The following IGF2R variants were observed in gnomAD, a reference collection of about 807,000 sequenced individuals.
IGF2R encodes the protein insulin like growth factor 2 receptor, also known as cation-independent mannose-6-phosphate receptor.
In IGF2R, 91 loss-of-function variants were observed where a neutral mutation model predicts 270.6. That is an observed-to-expected ratio of 0.34 (90% confidence interval 0.28 to 0.40). IGF2R has a LOEUF of 0.40. IGF2R is among the 10% of genes least tolerant of loss of function. The pLI is 1.00. For synonymous variants in IGF2R, 1,316 were observed against 1,258.9 expected (o/e 1.05, Z -0.96); for missense variants, 2,805 against 3,188.3 (o/e 0.88, Z 2.90).
In IGF2R at chr6:160,044,582, C is replaced by T. The variant is rs761815480; in HGVS notation, c.1690C>T (p.Leu564Phe). The T allele has an allele frequency of 6.2e-7, 1 of 1,607,728 alleles. No individual in the cohort carries two copies. Among genetic ancestry groups the T allele is most frequent in the Non-Finnish European group, 8.5e-7 (1 of 1,174,814 alleles). The change falls in exon 13 of 48, where the codon CTC (leucine) becomes TTC (phenylalanine). Residue 564 changes from leucine (L) to phenylalanine (F), a missense_variant. Physicochemically the swap from Leu to Phe is conservative, Grantham distance 22 (BLOSUM62 0). This residue lies in a region of IGF2R where 954 missense variants were observed against 981.1 expected (regional missense o/e 0.97). Coordinates refer to ENST00000356956, the MANE Select transcript of IGF2R (RefSeq NM_000876.4). ...SPMKEKGNIQ[L>F]SYSDGDDCGH... ...CATGAAAGAGAAAGGAAACATTCAACTCTCTTATTCAGATGGTGATGATTG... is the reference window on the plus strand; with the variant it reads ...CATGAAAGAGAAAGGAAACATTCAATTCTCTTATTCAGATGGTGATGATTG...
chr6:160,045,599 T>TTTG (rs563065946), intron 13 of IGF2R, 146 bp from the exon 14 acceptor site: 1 of 874,414 alleles, frequency 1.1e-6, no homozygotes, highest in South Asian at 1.4e-5. Context: ...TGCTACAGTA[T>TTTG]TTGTAGGGCT....
intron 1 of IGF2R, among the ~76,000 whole-genome samples, chr6:159,990,838 C>T (rs949523123): frequency 6.6e-6 from 1 of 152,150 alleles, no homozygotes; most frequent in South Asian, 2.1e-4. Flanking sequence ...TTATGTTGGC[C>T]AGGCTGGTCT....
Position 160,105,116 on chromosome 6 carries a change from G to A in IGF2R, c.*32G>A, listed in dbSNP as rs1056388870. On this transcript the variant is annotated 3_prime_UTR_variant, in exon 48 of 48. Transcript: ENST00000356956. The stretch of plus-strand genomic sequence containing the variant: ...AGTGCCTGCAGGGGAGCACGGAGCC[G>A]CGGGACAGCCAAGCACCTCCAACCA... 15 of 1,482,326 alleles carry A rather than the reference G, an allele frequency of 1.0e-5. No homozygotes were observed. The highest frequency in any genetic ancestry group is 2.4e-5 in the East Asian group (1 of 41,254). The allele number at this position is 1,482,326 out of a possible 1,614,324, so 91.8% of individuals were successfully genotyped here.
At position 160,048,465 on chromosome 6, in the gene IGF2R, C is replaced by T. The variant is rs760490529; in HGVS notation, c.2436C>T (p.Asn812=). 1.5e-5 allele frequency: 24 copies of T among 1,614,224 alleles called. No individual in the cohort carries two copies. Among genetic ancestry groups the T allele is most frequent in the Admixed American group, 5.0e-5 (3 of 60,032 alleles). The change falls in exon 18 of 48, where the codon AAC becomes AAT. Residue 812 remains asparagine (N), a synonymous_variant. Transcript: ENST00000356956. The part of the protein sequence containing the change: ...EHVTWRKYYI[N]VCRPLNPVPG... Reference sequence around the variant, plus strand: ...TCACGTGGAGGAAATACTACATTAACGTGTGTCGGCCTCTGAATCCAGTGC... The same window carrying T: ...TCACGTGGAGGAAATACTACATTAATGTGTGTCGGCCTCTGAATCCAGTGC...
chr6:160,082,840 G>A (rs936198932), intron 39 of IGF2R, among the ~76,000 whole-genome samples: 1 of 152,254 alleles, frequency 6.6e-6, no homozygotes, highest in South Asian at 2.1e-4. Context: ...TCCTGAGGCA[G>A]CATGGGGAAG....
chr6:160,044,974 A>G (rs761209352), intron 13 of IGF2R, among the ~76,000 whole-genome samples: 9 of 152,350 alleles, frequency 5.9e-5, no homozygotes, highest in Non-Finnish European at 1.2e-4. Flanking sequence ...AAAGGGGAAA[A>G]AAATCATAAA....
intron 4 of IGF2R, among the ~76,000 whole-genome samples, chr6:160,014,964 G>A (rs1384589498): frequency 6.6e-6 from 1 of 152,178 alleles, no homozygotes; most frequent in Non-Finnish European, 1.5e-5. Context: ...TATTTTAGGC[G>A]ACAGGCAACT....
chr6:160,082,538 C>A (rs941657571), intron 39 of IGF2R, among the ~76,000 whole-genome samples: 4 of 152,180 alleles, frequency 2.6e-5, no homozygotes, highest in African/African-American at 9.7e-5. Flanking sequence ...TCTCCAACTG[C>A]TGACCTCATG....
At chr6:160,073,523 C>G in intron 34 of IGF2R, 54 bp downstream of exon 34, 1 of 1,588,474 alleles carries the variant, frequency 6.3e-7, no homozygotes, top group Non-Finnish European at 8.6e-7. Context: ...TGGCTGCACC[C>G]GGGCCCCTTC....
At position 159,998,669 on chromosome 6, in the gene IGF2R, T is replaced by C. The variant is rs886772220; in HGVS notation, c.289+7346T>C. Among the ~76,000 whole-genome samples, 1 of 152,166 alleles carries C rather than the reference T, an allele frequency of 6.6e-6. No homozygotes were observed. The highest frequency in any genetic ancestry group is 2.4e-5 in the African/African-American group (1 of 41,438). On this transcript the variant is annotated intron_variant, in intron 2 of 47. Coordinates refer to ENST00000356956, the MANE Select transcript of IGF2R (RefSeq NM_000876.4). The surrounding 1 kb of genome is among the most constrained non-coding windows in gnomAD (Gnocchi z 4.1). Reference sequence around the variant, plus strand: ...CCCAGATATGTGTGACAGATCCCTTTCCCAGAGCTTGAAACTTCCAGAGGG... The same window carrying C: ...CCCAGATATGTGTGACAGATCCCTTCCCCAGAGCTTGAAACTTCCAGAGGG...
At position 160,022,013 on chromosome 6, in the gene IGF2R, AAC is replaced by A. The variant is rs58646750; in HGVS notation, c.514-2532_514-2531del. 1.1e-3 allele frequency among the ~76,000 whole-genome samples: 156 copies of A among 142,344 alleles called. 1 individual carries two copies. The highest frequency in any genetic ancestry group is 3.7e-3 in the Middle Eastern group (1 of 268). The allele number at this position is 142,344 out of a possible 152,430, so 93.4% of individuals were successfully genotyped here. On this transcript the variant is annotated intron_variant, in intron 4 of 47. Transcript: ENST00000356956. Reference sequence around the variant, plus strand: ...CCCACCAACGGATGACTAGGTAAAGAACACACACACACACACACACACACACA... The same window carrying A: ...CCCACCAACGGATGACTAGGTAAAGAACACACACACACACACACACACACA...
At chr6:160,060,953 G>C (rs1207123937) in intron 23 of IGF2R, among the ~76,000 whole-genome samples, 2 of 152,050 alleles carry the variant, frequency 1.3e-5, no homozygotes, top group Non-Finnish European at 1.5e-5. Context: ...CTATCTTTTG[G>C]GATCAGATAC....
intron 21 of IGF2R, 90 bp downstream of exon 21, chr6:160,058,214 T>G: frequency 2.4e-6 from 2 of 828,686 alleles, no homozygotes; most frequent in Non-Finnish European, 2.1e-6. Flanking sequence ...TATGAGAGAA[T>G]TGCCCAGGCC....
chr6:159,996,601 C>T (rs183814033), intron 2 of IGF2R, among the ~76,000 whole-genome samples: 1 of 152,280 alleles, frequency 6.6e-6, no homozygotes, highest in African/African-American at 2.4e-5. Context: ...GCTCCATGGC[C>T]TGGGCAGGTG....
At chr6:160,034,679 G>C (rs947445847) in intron 10 of IGF2R, among the ~76,000 whole-genome samples, 157 bp downstream of exon 10, 4 of 152,146 alleles carry the variant, frequency 2.6e-5, no homozygotes, top group Admixed American at 6.5e-5. Context: ...GGTTTTTTCT[G>C]TTGGAGTAAC....
chr6:160,051,157 C>T (rs1269505126), intron 19 of IGF2R, among the ~76,000 whole-genome samples: 3 of 152,156 alleles, frequency 2.0e-5, no homozygotes, highest in South Asian at 4.1e-4. Flanking sequence ...TAATGCAACA[C>T]AGAAGGTTAT....
chr6:159,982,698 C>G (rs1783824722), intron 1 of IGF2R, among the ~76,000 whole-genome samples: 1 of 152,158 alleles, frequency 6.6e-6, no homozygotes, highest in African/African-American at 2.4e-5. Context: ...AGCATAACCC[C>G]AAGATTCACA....
In IGF2R at chr6:160,110,887, G is replaced by GA. The variant is rs1779726503; in HGVS notation, c.*5804dup. 1 of 152,256 alleles carries GA rather than the reference G, an allele frequency of 6.6e-6. No homozygotes were observed. Among genetic ancestry groups the GA allele is most frequent in the Non-Finnish European group, 1.5e-5 (1 of 68,052 alleles). The allele number at this position is 152,256 out of a possible 1,614,324, so 9.4% of individuals were successfully genotyped here. A position where few individuals can be genotyped will look rare whatever the true frequency, so the allele number is the denominator to read the frequency against. On this transcript the variant is annotated 3_prime_UTR_variant, in exon 48 of 48. Coordinates refer to ENST00000356956, the MANE Select transcript of IGF2R (RefSeq NM_000876.4). ...TAAAAAGGTTGGACTCAGAAGCAGAGAGTGGAATGGTGGTTACCAAAGGCC... is the reference window on the plus strand; with the variant it reads ...TAAAAAGGTTGGACTCAGAAGCAGAGAAGTGGAATGGTGGTTACCAAAGGCC...
intron 31 of IGF2R, among the ~76,000 whole-genome samples, chr6:160,070,634 G>A (rs981465098): frequency 3.3e-5 from 5 of 152,220 alleles, no homozygotes; most frequent in East Asian, 3.9e-4. Flanking sequence ...TGGCATGCAC[G>A]TAAGCAGGTG....
Sources: allele counts gnomAD v4.1 joint callset (sites outside exome capture counted in the v4.1 genomes callset), GRCh38; gene constraint gnomAD v4.1.1; regional missense constraint gnomAD v4.1.1; non-coding constraint Gnocchi (gnomAD v3.1); transcripts MANE v1.5; gene names NCBI Gene and HGNC (gene_info 2026-07-23, HGNC 2026-07-21).